The following ARB2A variants were observed in gnomAD, a reference collection of about 807,000 sequenced individuals.
The protein encoded by ARB2A is cotranscriptional regulator ARB2A.
At chr5:93,941,634 T>C in the ARB2A span, among the ~76,000 whole-genome samples, 1 of 152,186 alleles carries the variant, frequency 6.6e-6, no homozygotes, top group Non-Finnish European at 1.5e-5. Context: ...AATTCAAATA[T>C]GCATGTCATT....
At chr5:93,780,029 G>C in the ARB2A span, among the ~76,000 whole-genome samples, 1 of 152,154 alleles carries the variant, frequency 6.6e-6, no homozygotes, top group Non-Finnish European at 1.5e-5. Context: ...GCAGGTAGTA[G>C]CTATTCCTGT....
At chr5:93,746,836 G>A in the ARB2A span, among the ~76,000 whole-genome samples, 2 of 152,278 alleles carry the variant, frequency 1.3e-5, no homozygotes, top group African/African-American at 4.8e-5. Context: ...TGAGCTGAGT[G>A]GGGCTGAGTT....
the ARB2A span, among the ~76,000 whole-genome samples, chr5:93,646,321 GT>G: frequency 1.8e-4 from 27 of 149,614 alleles, no homozygotes; most frequent in Non-Finnish European, 2.4e-4. Context: ...AAAAAATTCT[GT>G]TTTTTTTTCT....
chr5:94,053,631 T>G, the ARB2A span, among the ~76,000 whole-genome samples: 3,821 of 152,338 alleles, frequency 0.025, 67 homozygotes, highest in Non-Finnish European at 0.039. Flanking sequence ...AGTATTAATA[T>G]AGCATATTAT....
At chr5:93,648,223 T>C in the ARB2A span, among the ~76,000 whole-genome samples, 1 of 152,180 alleles carries the variant, frequency 6.6e-6, no homozygotes, top group Middle Eastern at 3.4e-3. Flanking sequence ...ATAGTTTTAT[T>C]TGGCATCTTT....
At chr5:93,874,132 C>T in the ARB2A span, among the ~76,000 whole-genome samples, 7 of 152,182 alleles carry the variant, frequency 4.6e-5, no homozygotes, top group South Asian at 2.1e-4. Flanking sequence ...TTCCAAACTG[C>T]AGAGTGTAGC....
the ARB2A span, among the ~76,000 whole-genome samples, chr5:93,773,703 C>G: frequency 1.3e-5 from 2 of 152,168 alleles, no homozygotes; most frequent in African/African-American, 4.8e-5. Context: ...TTTCCAACAG[C>G]ATGTGCTCAC....
chr5:94,051,503 G>A, the ARB2A span, among the ~76,000 whole-genome samples: 5 of 152,116 alleles, frequency 3.3e-5, no homozygotes, highest in Non-Finnish European at 7.3e-5. Context: ...AATTTCAAGG[G>A]CACAAGGAAT....
chr5:94,039,461 C>T, the ARB2A span, among the ~76,000 whole-genome samples: 1 of 152,124 alleles, frequency 6.6e-6, no homozygotes, highest in Non-Finnish European at 1.5e-5. Context: ...TGACAGTTTA[C>T]CAAATGCCAT....
At chr5:93,846,731 T>C in the ARB2A span, among the ~76,000 whole-genome samples, 1 of 152,176 alleles carries the variant, frequency 6.6e-6, no homozygotes, top group Non-Finnish European at 1.5e-5. Flanking sequence ...AAAAATACTT[T>C]ATTGCTAAAA....
the ARB2A span, among the ~76,000 whole-genome samples, chr5:93,902,725 T>C: frequency 6.6e-6 from 1 of 152,168 alleles, no homozygotes; most frequent in Non-Finnish European, 1.5e-5. Context: ...ATGTGGCTCA[T>C]AAAATTCTCT....
chr5:94,016,061 G>T, the ARB2A span, among the ~76,000 whole-genome samples: 1 of 152,098 alleles, frequency 6.6e-6, no homozygotes, highest in Admixed American at 6.6e-5. Flanking sequence ...CACCTATAAA[G>T]ACACACAGAC....
chr5:93,920,293 T>C, the ARB2A span, among the ~76,000 whole-genome samples: 2 of 152,194 alleles, frequency 1.3e-5, no homozygotes, highest in Non-Finnish European at 2.9e-5. Flanking sequence ...TAACGAGCCA[T>C]AGAGCTCATA....
the ARB2A span, among the ~76,000 whole-genome samples, chr5:93,869,248 C>T: frequency 8.6e-4 from 131 of 152,224 alleles, 3 homozygotes; most frequent in East Asian, 0.024. Flanking sequence ...CCTTAAGTTG[C>T]CCTTTCTTCC....
At chr5:93,842,683 C>G in the ARB2A span, among the ~76,000 whole-genome samples, 2 of 152,184 alleles carry the variant, frequency 1.3e-5, no homozygotes, top group African/African-American at 4.8e-5. Flanking sequence ...TCCATTTACA[C>G]TGCAGAATCC....
chr5:93,620,923 C>G, the ARB2A span: 3 of 1,563,980 alleles, frequency 1.9e-6, no homozygotes, highest in Non-Finnish European at 1.7e-6. Flanking sequence ...CCGCTCGACA[C>G]AAGCAGTGAG....
At chr5:94,047,839 G>T in the ARB2A span, among the ~76,000 whole-genome samples, 6 of 152,118 alleles carry the variant, frequency 3.9e-5, no homozygotes, top group African/African-American at 1.4e-4. Flanking sequence ...AAATGATGCA[G>T]ATGCCAAAAA....
the ARB2A span, among the ~76,000 whole-genome samples, chr5:93,883,758 T>C: frequency 2.6e-5 from 4 of 151,420 alleles, no homozygotes; most frequent in African/African-American, 9.7e-5. Context: ...CAGTACACTG[T>C]CTCTGGTGTA....
the ARB2A span, among the ~76,000 whole-genome samples, chr5:93,671,867 T>C: frequency 1.3e-5 from 2 of 152,142 alleles, no homozygotes; most frequent in Admixed American, 6.5e-5. Flanking sequence ...AGGTAGAAGA[T>C]AGTGTGAAGA....
Sources: allele counts gnomAD v4.1 joint callset (sites outside exome capture counted in the v4.1 genomes callset), GRCh38; gene constraint gnomAD v4.1.1; transcripts MANE v1.5; gene names NCBI Gene and HGNC (gene_info 2026-07-23, HGNC 2026-07-21).